The following FBXO28 variants were observed in gnomAD, a reference collection of about 807,000 sequenced individuals.
FBXO28 encodes F-box only protein 28.
Under a neutral mutation model 38.1 loss-of-function variants are expected in FBXO28, and 8 were observed. The ratio of observed to expected loss-of-function variants is 0.21; its 90% CI spans 0.12 to 0.38. The LOEUF (loss-of-function observed/expected upper bound fraction) is 0.38, where lower values mean the gene tolerates loss of function less well. Among genes scored for constraint, FBXO28 ranks in the 10% least tolerant of loss-of-function variants. The pLI is 1.00. For missense variants in FBXO28, 345 were observed against 460.6 expected (o/e 0.75, Z 2.30); for synonymous variants, 168 against 173.8 (o/e 0.97, Z 0.26).
chr1:224,129,412 G>A (rs1656983459), intron 1 of FBXO28, among the ~76,000 whole-genome samples: 1 of 152,164 alleles, frequency 6.6e-6, no homozygotes, highest in Non-Finnish European at 1.5e-5. Context: ...CCATAGTTAA[G>A]CCAGATCACT....
intron 3 of FBXO28, among the ~76,000 whole-genome samples, chr1:224,148,384 C>G (rs1657561094): frequency 6.6e-6 from 1 of 152,142 alleles, no homozygotes; most frequent in African/African-American, 2.4e-5. Flanking sequence ...GGCACGGTGG[C>G]TCACGCCTGC....
chr1:224,157,115 C>T (rs1157159227), intron 4 of FBXO28, among the ~76,000 whole-genome samples: 1 of 152,132 alleles, frequency 6.6e-6, no homozygotes, highest in Non-Finnish European at 1.5e-5. Context: ...ATGCCCTTCT[C>T]CGTTTCCTGG....
intron 3 of FBXO28, among the ~76,000 whole-genome samples, chr1:224,135,594 A>C (rs1445492174): frequency 7.1e-6 from 1 of 140,194 alleles, no homozygotes; most frequent in Non-Finnish European, 1.5e-5. Flanking sequence ...CCTGGGCAAC[A>C]GAGCAAGACT....
Position 224,135,552 on chromosome 1 carries a change from C to T in FBXO28, c.516+1340C>T, listed in dbSNP as rs528845388. 2.3e-3 allele frequency among the ~76,000 whole-genome samples: 320 copies of T among 137,142 alleles called. 1 individual carries two copies. Among genetic ancestry groups the T allele is most frequent in the African/African-American group, 8.4e-3 (302 of 35,756 alleles). The allele number at this position is 137,142 out of a possible 152,430, so 90.0% of individuals were successfully genotyped here. ...GCTTGAACCCGGGAGGCGGAGGTTG[C>T]ACTGAGCCAAGATCACACCACTGCA... On this transcript the variant is annotated intron_variant, in intron 3 of 4. Transcript: ENST00000366862.
chr1:224,125,831 G>A (rs1350290191), intron 1 of FBXO28, among the ~76,000 whole-genome samples: 2 of 151,960 alleles, frequency 1.3e-5, no homozygotes, highest in Admixed American at 6.6e-5. Flanking sequence ...GGTTCACCAC[G>A]TTGGCCAGGC....
At chr1:224,127,112 C>T (rs4653564) in intron 1 of FBXO28, among the ~76,000 whole-genome samples, 77,469 of 151,160 alleles carry the variant, frequency 0.51, 20,875 homozygotes, top group South Asian at 0.6. Context: ...GGTCCAGAAA[C>T]CCCAGAGAGG....
chr1:224,119,505 A>G (rs1004785079), intron 1 of FBXO28, among the ~76,000 whole-genome samples: 2 of 151,994 alleles, frequency 1.3e-5, no homozygotes, highest in Admixed American at 1.3e-4. Context: ...ATGAGTGCAT[A>G]AGTACAGGTA....
At chr1:224,134,858 A>G (rs920586778) in intron 3 of FBXO28, among the ~76,000 whole-genome samples, 4 of 152,234 alleles carry the variant, frequency 2.6e-5, no homozygotes, top group African/African-American at 4.8e-5. Flanking sequence ...AGTGGTAGAG[A>G]TATAATTAAA....
chr1:224,138,973 C>T (rs930035117), intron 3 of FBXO28, among the ~76,000 whole-genome samples: 12 of 151,544 alleles, frequency 7.9e-5, no homozygotes, highest in Admixed American at 1.3e-4. Context: ...TTAATAGAGA[C>T]GGGGTTTGAC....
At chr1:224,126,355 C>G (rs1656903879) in intron 1 of FBXO28, among the ~76,000 whole-genome samples, 1 of 152,086 alleles carries the variant, frequency 6.6e-6, no homozygotes, top group Non-Finnish European at 1.5e-5. Context: ...AGTAATTGAC[C>G]TTAATTTTTG....
At chr1:224,133,768 C>T (rs1313979180) in intron 2 of FBXO28, among the ~76,000 whole-genome samples, 3 of 152,028 alleles carry the variant, frequency 2.0e-5, no homozygotes, top group Non-Finnish European at 4.4e-5. Flanking sequence ...GCCTCAGCCT[C>T]CTAAAGTGCT....
At position 224,114,184 on chromosome 1, in the gene FBXO28, G is replaced by T; in HGVS notation, c.55G>T (p.Asp19Tyr). 6.5e-7 allele frequency: 1 copy of T among 1,547,626 alleles called. No homozygotes were observed. Among genetic ancestry groups the T allele is most frequent in the Non-Finnish European group, 8.7e-7 (1 of 1,146,046 alleles). ...MAEEGGGGQG[D>Y]GGSSLASGST... is the part of the protein sequence containing the mutation. ...AGAGGAAGGAGGCGGCGGCCAAGGC[G>T]ACGGCGGTTCCTCTTTGGCCTCCGG... Residue 19 changes from aspartate (D) to tyrosine (Y), a missense_variant, in exon 1 of 5, where the codon GAC becomes TAC. Coordinates refer to ENST00000366862, the MANE Select transcript of FBXO28 (RefSeq NM_015176.4).
chr1:224,128,245 A>AT (rs34465508), intron 1 of FBXO28, among the ~76,000 whole-genome samples: 20,324 of 147,942 alleles, frequency 0.14, 1,474 homozygotes, highest in Middle Eastern at 0.23. Flanking sequence ...TATTATTATT[A>AT]TTTTTTTTTA....
At position 224,157,732 on chromosome 1, in the gene FBXO28, C is replaced by T. The variant is rs770158251; in HGVS notation, c.1093C>T (p.Arg365Trp). ...CTCTCTTAGGAAATCTAAACGTCTT[C>T]GGAATAGAAAGTAAATTGGAATGTG... ...IDSLRKSKRL[R>W]NRK is the part of the protein sequence containing the mutation. The change falls in exon 5 of 5, where the codon CGG becomes TGG. Residue 365 changes from arginine (R) to tryptophan (W), a missense_variant. By Grantham distance (101) the Arg-to-Trp change is moderately radical (BLOSUM62 -3). This residue lies in a region of FBXO28 where 151 missense variants were observed against 188.3 expected (regional missense o/e 0.80). Coordinates refer to ENST00000366862, the MANE Select transcript of FBXO28 (RefSeq NM_015176.4). The T allele has an allele frequency of 2.5e-6, 4 of 1,600,040 alleles. No homozygotes were observed. The Admixed American group carries it at 7.1e-5, about 28-fold the overall frequency.
rs983323430 is a variant in FBXO28, at chr1:224,119,144, T to C, written c.267+4748T>C. Among the ~76,000 whole-genome samples the C allele has an allele frequency of 6.8e-3, 971 of 143,026 alleles. 15 individuals are homozygous for C. Among genetic ancestry groups the C allele is most frequent in the African/African-American group, 0.023 (903 of 39,252 alleles). 93.8% of individuals were successfully genotyped at this position (143,026 alleles called of 152,430 possible). A position where few individuals can be genotyped will look rare whatever the true frequency, so the allele number is the denominator to read the frequency against. On this transcript the variant is annotated intron_variant, in intron 1 of 4. Coordinates refer to ENST00000366862, the MANE Select transcript of FBXO28 (RefSeq NM_015176.4). ...ATTTTTTCTTTTTTTTCTTTTTTTT[T>C]TTTTTTTTTGACGGAATCTCGCTCT...
Position 224,158,366 on chromosome 1 carries a change from A to G in FBXO28, c.*620A>G. 1 of 322,000 alleles carries G rather than the reference A, an allele frequency of 3.1e-6. No individual in the cohort carries two copies. The highest frequency in any genetic ancestry group is 4.5e-6 in the Non-Finnish European group (1 of 223,276). The allele number at this position is 322,000 out of a possible 1,614,324, so 19.9% of individuals were successfully genotyped here. ...CAAGGAACTTACCCAGCTGTTATAC[A>G]TGTTTTCAGTTCTCTTTGGGGGCCA... On this transcript the variant is annotated 3_prime_UTR_variant, in exon 5 of 5. Transcript: ENST00000366862.
At position 224,159,000 on chromosome 1, in the gene FBXO28, A is replaced by G. The variant is rs751581444; in HGVS notation, c.*1254A>G. 7 of 152,274 alleles carry G rather than the reference A, an allele frequency of 4.6e-5. No homozygotes were observed. The highest frequency in any genetic ancestry group is 2.1e-4 in the South Asian group (1 of 4,800). The allele number at this position is 152,274 out of a possible 1,614,324, so 9.4% of individuals were successfully genotyped here. On this transcript the variant is annotated 3_prime_UTR_variant, in exon 5 of 5. Coordinates refer to ENST00000366862, the MANE Select transcript of FBXO28 (RefSeq NM_015176.4). ...GGAAAAGCATGTCTTGCACTGTTCA[A>G]CCTCCTGAGTGGTCGCTTTAACAAC...
intron 3 of FBXO28, among the ~76,000 whole-genome samples, chr1:224,135,537 G>T (rs991546843): frequency 9.4e-5 from 14 of 149,242 alleles, no homozygotes; most frequent in African/African-American, 3.2e-4. Context: ...GCTTGAACCC[G>T]GGAGGCGGAG....
In FBXO28 at chr1:224,114,357, C is replaced by T; in HGVS notation, c.228C>T (p.Leu76=). The T allele has an allele frequency of 1.9e-6, 3 of 1,600,662 alleles. No homozygotes were observed. The highest frequency in any genetic ancestry group is 1.1e-5 in the South Asian group (1 of 88,978). Residue 76 remains leucine (L), a synonymous_variant, in exon 1 of 5, where the codon CTC becomes CTT. Coordinates refer to ENST00000366862, the MANE Select transcript of FBXO28 (RefSeq NM_015176.4). The part of the protein sequence containing the change: ...ALPIVAIENI[L]SFMSYDEISQ... ...CCATCGTAGCCATCGAGAACATCCT[C>T]AGCTTTATGTCCTACGACGAAATTA...
Sources: gnomAD v4.1 joint callset for allele counts (sites outside exome capture counted in the v4.1 genomes callset) on GRCh38, gnomAD v4.1.1 for gene constraint, gnomAD v4.1.1 regional missense constraint, MANE v1.5 for transcripts, NCBI Gene and HGNC (gene_info 2026-07-23, HGNC 2026-07-21) for gene names.